The following ERICH3 variants were observed in gnomAD, a reference collection of about 807,000 sequenced individuals.
ERICH3 encodes the protein glutamate-rich protein 3.
ERICH3 carries 126 observed loss-of-function variants against 131.1 expected under a neutral mutation model. The ratio of observed to expected loss-of-function variants is 0.96; its 90% CI spans 0.83 to 1.11. The LOEUF (loss-of-function observed/expected upper bound fraction) is 1.11, where lower values mean the gene tolerates loss of function less well. Among genes scored for constraint, ERICH3 ranks in the 50% most tolerant of loss-of-function variants. ERICH3 has a pLI of 0.00. For missense variants in ERICH3, 2,050 were observed against 1,810.7 expected, an observed-to-expected ratio of 1.13 and a Z score of -2.40; for synonymous variants, 695 against 644.6, an observed-to-expected ratio of 1.08 and a Z score of -1.18.
At chr1:74,570,990 G>T (rs1312143954) in intron 14 of ERICH3, 109 bp downstream of exon 14, 2 of 1,363,316 alleles carry the variant, frequency 1.5e-6, no homozygotes. Flanking sequence ...TGAAGCCTGT[G>T]TGTTTATATG....
intron 1 of ERICH3, among the ~76,000 whole-genome samples, chr1:74,662,070 T>C (rs1646647166): frequency 6.6e-6 from 1 of 152,174 alleles, no homozygotes; most frequent in Non-Finnish European, 1.5e-5. Context: ...TTTCTGAATA[T>C]CTCTGTCTTT....
At chr1:74,641,834 T>A (rs1358590303) in intron 4 of ERICH3, among the ~76,000 whole-genome samples, 1 of 152,102 alleles carries the variant, frequency 6.6e-6, no homozygotes, top group Non-Finnish European at 1.5e-5. Flanking sequence ...TTTAAAAAAA[T>A]GAGAGCTAAA....
intron 10 of ERICH3, among the ~76,000 whole-genome samples, chr1:74,603,112 C>T (rs796561286): frequency 6.6e-5 from 10 of 151,948 alleles, no homozygotes; most frequent in African/African-American, 1.2e-4. Flanking sequence ...GTCCCTTTCC[C>T]GAAGCCAGCC....
Position 74,673,786 on chromosome 1 carries a change from C to A in ERICH3, c.-267G>T. 5.3e-6 allele frequency: 2 copies of A among 378,710 alleles called. No homozygotes were observed. The highest frequency in any genetic ancestry group is 4.6e-6 in the Non-Finnish European group (1 of 215,684). The allele number at this position is 378,710 out of a possible 1,614,324, so 23.5% of individuals were successfully genotyped here. A position where few individuals can be genotyped will look rare whatever the true frequency, so the allele number is the denominator to read the frequency against. On this transcript the variant is annotated 5_prime_UTR_variant, in exon 1 of 15. Transcript: ENST00000326665. ...CGCCCAGGGTCTGGAGAAGCGGAGG[C>A]GCTACTGGAACCGAGCCTGCGGAAG...
At chr1:74,654,282 T>G (rs1292408432) in intron 1 of ERICH3, among the ~76,000 whole-genome samples, 3 of 152,072 alleles carry the variant, frequency 2.0e-5, no homozygotes, top group African/African-American at 7.2e-5. Flanking sequence ...CCAAAGCCAC[T>G]TCCACATTTT....
intron 1 of ERICH3, among the ~76,000 whole-genome samples, chr1:74,653,379 G>T (rs1158968766): frequency 2.6e-5 from 4 of 151,960 alleles, no homozygotes; most frequent in Admixed American, 2.0e-4. Context: ...GCACGTGTGT[G>T]TGTGTCTGTG....
chr1:74,603,104 C>T (rs1164076933), intron 10 of ERICH3, among the ~76,000 whole-genome samples: 1 of 151,850 alleles, frequency 6.6e-6, no homozygotes, highest in Non-Finnish European at 1.5e-5. Context: ...TAGAAGTTGT[C>T]CCTTTCCCGA....
At chr1:74,641,733 A>T (rs1646439484) in intron 4 of ERICH3, among the ~76,000 whole-genome samples, 1 of 152,086 alleles carries the variant, frequency 6.6e-6, no homozygotes, top group Non-Finnish European at 1.5e-5. Context: ...AGGCATAATG[A>T]GCTTTACTAC....
Position 74,579,754 on chromosome 1 carries a change from C to G in ERICH3, c.2177-2818G>C, listed in dbSNP as rs1286943396. The stretch of plus-strand genomic sequence containing the variant: ...CTCCCATTTCAGCAATGTGACATAT[C>G]ACTTTGTTGCCTCTCTGTATTTAGC... On this transcript the variant is annotated intron_variant, in intron 12 of 14. Transcript: ENST00000326665. 3 of 985,342 alleles carry G rather than the reference C, an allele frequency of 3.0e-6. No homozygotes were observed. The East Asian group carries it at 3.4e-4, about 112-fold the overall frequency. The allele number at this position is 985,342 out of a possible 1,614,324, so 61.0% of individuals were successfully genotyped here.
chr1:74,659,724 C>T (rs1432184684), intron 1 of ERICH3, among the ~76,000 whole-genome samples: 1 of 152,098 alleles, frequency 6.6e-6, no homozygotes, highest in Non-Finnish European at 1.5e-5. Context: ...GATTATTATC[C>T]CATTTCACAA....
chr1:74,583,360 TC>T (rs1212565419), intron 12 of ERICH3, among the ~76,000 whole-genome samples: 1 of 152,104 alleles, frequency 6.6e-6, no homozygotes, highest in Admixed American at 6.6e-5. Flanking sequence ...TATACATGCC[TC>T]CTTATAATAA....
rs1271831583 is a variant in ERICH3, at chr1:74,569,174, G to A, written c.*1284C>T. The stretch of plus-strand genomic sequence containing the variant: ...AACCTTGGCTACAGAGAAGAATCAA[G>A]TGAAAAGTTAAAAATATATATATAC... On this transcript the variant is annotated 3_prime_UTR_variant, in exon 15 of 15. Coordinates refer to ENST00000326665, the MANE Select transcript of ERICH3 (RefSeq NM_001002912.5). 1.3e-5 allele frequency: 2 copies of A among 152,106 alleles called. No individual in the cohort carries two copies. Among genetic ancestry groups the A allele is most frequent in the African/African-American group, 4.8e-5 (2 of 41,428 alleles). The allele number at this position is 152,106 out of a possible 1,614,324, so 9.4% of individuals were successfully genotyped here. A position where few individuals can be genotyped will look rare whatever the true frequency, so the allele number is the denominator to read the frequency against.
At chr1:74,613,163 A>ATT (rs1309384702) in intron 8 of ERICH3, among the ~76,000 whole-genome samples, 1 of 152,198 alleles carries the variant, frequency 6.6e-6, no homozygotes, top group Non-Finnish European at 1.5e-5. Context: ...TTTGAGGACA[A>ATT]TTTTTAGTGA....
chr1:74,596,518 A>G (rs542361393), intron 11 of ERICH3, among the ~76,000 whole-genome samples: 5 of 152,186 alleles, frequency 3.3e-5, no homozygotes, highest in Admixed American at 2.0e-4. Context: ...TTTGAAATAT[A>G]TATTACACTG....
intron 1 of ERICH3, among the ~76,000 whole-genome samples, chr1:74,652,031 T>C (rs1646539927): frequency 6.6e-6 from 1 of 152,170 alleles, no homozygotes; most frequent in Non-Finnish European, 1.5e-5. Context: ...TATTTAGGAA[T>C]AAATGTGGGT....
At chr1:74,584,144 C>T (rs1405126310) in intron 12 of ERICH3, among the ~76,000 whole-genome samples, 1 of 152,176 alleles carries the variant, frequency 6.6e-6, no homozygotes, top group Non-Finnish European at 1.5e-5. Context: ...TCTACCTACA[C>T]AGTGAAGATG....
intron 8 of ERICH3, among the ~76,000 whole-genome samples, chr1:74,615,019 G>C (rs1004969882): frequency 1.5e-4 from 23 of 152,254 alleles, no homozygotes; most frequent in African/African-American, 4.8e-4. Context: ...TTAAGGAAAT[G>C]TTGAGAAAGG....
In ERICH3 at chr1:74,571,289, A is replaced by G. The variant is rs752843963; in HGVS notation, c.4421T>C (p.Phe1474Ser). 1 of 1,613,852 alleles carries G rather than the reference A, an allele frequency of 6.2e-7. No individual in the cohort carries two copies. The highest frequency in any genetic ancestry group is 1.1e-5 in the South Asian group (1 of 91,064). ...GRQETGAAEKFRLGLSREGER... is the reference protein window; with the variant it reads ...GRQETGAAEKSRLGLSREGER... ...TCCCTCCCGTGATAATCCTAATCGG[A>G]ATTTTTCAGCTGCTCCTGTCTCCTG... Residue 1474 changes from phenylalanine (F) to serine (S), a missense_variant, in exon 14 of 15, where the codon TTC (phenylalanine) becomes TCC (serine). Phe to Ser is a radical substitution (Grantham distance 155, BLOSUM62 -2). Coordinates refer to ENST00000326665, the MANE Select transcript of ERICH3 (RefSeq NM_001002912.5).
rs199502949 is a variant in ERICH3, at chr1:74,612,693, C to G, written c.1117G>C (p.Gly373Arg). The stretch of plus-strand genomic sequence containing the variant: ...CCTCGTTTGCCTCCAAGCCTGGAAC[C>G]TTTCCGATGCTTGTATTCACAACAG... ...SSCCEYKHRKGSRLGGKRGYF... is the reference protein window; with the variant it reads ...SSCCEYKHRKRSRLGGKRGYF... The change falls in exon 9 of 15, where the codon GGT becomes CGT. Residue 373 changes from glycine to arginine, a missense_variant. Gly to Arg is a moderately radical substitution (Grantham distance 125). Coordinates refer to ENST00000326665, the MANE Select transcript of ERICH3 (RefSeq NM_001002912.5). The G allele has an allele frequency of 6.2e-7, 1 of 1,603,288 alleles. No homozygotes were observed. Among genetic ancestry groups the G allele is most frequent in the East Asian group, 2.2e-5 (1 of 44,772 alleles).
Sources: gnomAD v4.1 joint callset for allele counts (sites outside exome capture counted in the v4.1 genomes callset) on GRCh38, gnomAD v4.1.1 for gene constraint, MANE v1.5 for transcripts, NCBI Gene and HGNC (gene_info 2026-07-23, HGNC 2026-07-21) for gene names.